ARPP19: variants seen among roughly 807,000 people sequenced by gnomAD.
ARPP19 encodes cAMP regulated phosphoprotein 19.
A neutral mutation model predicts 12.0 loss-of-function variants in ARPP19; 8 were observed. That is an observed-to-expected ratio of 0.67 (90% confidence interval 0.39 to 1.21). ARPP19 has a LOEUF of 1.21. Among genes scored for constraint, ARPP19 ranks in the 50% most tolerant of loss-of-function variants. The pLI is 0.01. For synonymous variants in ARPP19, 47 were observed against 50.4 expected, an observed-to-expected ratio of 0.93 and a Z score of 0.29; for missense variants, 102 against 136.3, an observed-to-expected ratio of 0.75 and a Z score of 1.25.
intron 1 of ARPP19, among the ~76,000 whole-genome samples, chr15:52,563,106 C>G (rs1264081417): frequency 1.3e-5 from 2 of 151,998 alleles, no homozygotes; most frequent in Non-Finnish European, 1.5e-5. Flanking sequence ...GAACTCCTGA[C>G]CTCGTGATCC....
intron 1 of ARPP19, among the ~76,000 whole-genome samples, chr15:52,567,085 G>T (rs2078090416): frequency 6.6e-6 from 1 of 152,138 alleles, no homozygotes; most frequent in African/African-American, 2.4e-5. Flanking sequence ...AGGTGATTTG[G>T]CCCACAGGAA....
intron 1 of ARPP19, among the ~76,000 whole-genome samples, chr15:52,559,315 C>T (rs1204714215): frequency 6.6e-6 from 1 of 152,134 alleles, no homozygotes; most frequent in Non-Finnish European, 1.5e-5. Flanking sequence ...GTGATGCAAA[C>T]CTGCCATTCC....
intron 1 of ARPP19, 120 bp from the exon 2 acceptor site, chr15:52,557,342 T>A: frequency 1.3e-6 from 1 of 780,508 alleles, no homozygotes; most frequent in Non-Finnish European, 2.0e-6. Flanking sequence ...AGCATCTGAC[T>A]AAGAAATCAA....
chr15:52,559,222 GAA>G (rs2076997254), intron 1 of ARPP19, among the ~76,000 whole-genome samples: 1 of 152,128 alleles, frequency 6.6e-6, no homozygotes, highest in Admixed American at 6.5e-5. Flanking sequence ...CACTTAGCCA[GAA>G]ATAGAGAATT....
chr15:52,568,689 C>G (rs1316573814), intron 1 of ARPP19, 159 bp downstream of exon 1: 1 of 503,428 alleles, frequency 2.0e-6, no homozygotes, highest in East Asian at 3.6e-5. Flanking sequence ...CGTCGGCGCA[C>G]CAGCCAGCGA....
rs147282979 is a variant in ARPP19 at position 52,551,493 on chromosome 15, C to G, written c.*441G>C. On this transcript the variant is annotated 3_prime_UTR_variant, in exon 3 of 3. Coordinates refer to ENST00000249822, the MANE Select transcript of ARPP19 (RefSeq NM_006628.6). Reference sequence around the variant, plus strand: ...GTTGTGTTTGAAATATGTGACCTTTCTTCTAACTTGTGGTCTTAAACTTCT... The same window carrying G: ...GTTGTGTTTGAAATATGTGACCTTTGTTCTAACTTGTGGTCTTAAACTTCT... 836 of 153,476 alleles carry G rather than the reference C, an allele frequency of 5.4e-3. 1 individual carries two copies. Among genetic ancestry groups the G allele is most frequent in the Admixed American group, 1.0e-2 (153 of 15,360 alleles). 9.5% of individuals were successfully genotyped at this position (153,476 alleles called of 1,614,324 possible).
chr15:52,554,508 A>G (rs934143690), intron 2 of ARPP19, among the ~76,000 whole-genome samples: 1 of 152,184 alleles, frequency 6.6e-6, no homozygotes, highest in African/African-American at 2.4e-5. Flanking sequence ...TGTCTTTAAC[A>G]ATCTCTAAAT....
At chr15:52,560,390 G>A (rs1407709823) in intron 1 of ARPP19, among the ~76,000 whole-genome samples, 4 of 152,132 alleles carry the variant, frequency 2.6e-5, no homozygotes, top group Admixed American at 6.5e-5. Flanking sequence ...CAGCATCTAT[G>A]AGCTGCAAAT....
chr15:52,568,910 C>A lies in ARPP19; in HGVS notation c.-18G>T, dbSNP rs1197839498. On this transcript the variant is annotated 5_prime_UTR_variant, in exon 1 of 3. Transcript: ENST00000249822. Reference sequence around the variant, plus strand: ...GCAGACATAGTGCTCCCTCTGCAGACGAGACGCCGGGAAAAGATGCAATTA... The same window carrying A: ...GCAGACATAGTGCTCCCTCTGCAGAAGAGACGCCGGGAAAAGATGCAATTA... 6.4e-7 allele frequency: 1 copy of A among 1,564,360 alleles called. No individual in the cohort carries two copies. The highest frequency in any genetic ancestry group is 1.4e-5 in the African/African-American group (1 of 70,124).
chr15:52,564,144 G>C, intron 1 of ARPP19: 1 of 1,393,622 alleles, frequency 7.2e-7, no homozygotes, highest in East Asian at 2.5e-5. Context: ...ATCGCAAACT[G>C]CTAAGACGGC....
Position 52,551,659 on chromosome 15 carries a change from G to C in ARPP19, c.*275C>G, listed in dbSNP as rs41435744. 0.1 allele frequency: 29,424 copies of C among 289,200 alleles called. 1,740 individuals are homozygous for C. The highest frequency in any genetic ancestry group is 0.15 in the Middle Eastern group (150 of 980). The allele number at this position is 289,200 out of a possible 1,614,324, so 17.9% of individuals were successfully genotyped here. On this transcript the variant is annotated 3_prime_UTR_variant, in exon 3 of 3. Transcript: ENST00000249822. ...AAATTTTAAAACTTGCTTGTTACTT[G>C]TTAGAACCAGTACTACACTAGAAGT...
In ARPP19 at chr15:52,550,065, C is replaced by A. The variant is rs1193019302; in HGVS notation, c.*1869G>T. 6.6e-6 allele frequency: 1 copy of A among 152,498 alleles called. No homozygotes were observed. The highest frequency in any genetic ancestry group is 1.5e-5 in the Non-Finnish European group (1 of 68,026). The allele number at this position is 152,498 out of a possible 1,614,324, so 9.4% of individuals were successfully genotyped here. ...TAGGAGAGCAGGTATACTGATGGAA[C>A]CAGGATTCAGAAAAGATGCCTGGAT... On this transcript the variant is annotated 3_prime_UTR_variant, in exon 3 of 3. Coordinates refer to ENST00000249822, the MANE Select transcript of ARPP19 (RefSeq NM_006628.6).
intron 1 of ARPP19, among the ~76,000 whole-genome samples, chr15:52,565,262 C>T (rs1454807000): frequency 2.0e-5 from 3 of 151,984 alleles, no homozygotes; most frequent in Non-Finnish European, 4.4e-5. Context: ...TGGCCTCAAG[C>T]GATCTTCCCA....
intron 1 of ARPP19, chr15:52,557,460 T>A: frequency 2.4e-6 from 1 of 418,048 alleles, no homozygotes; most frequent in Admixed American, 4.1e-5. Flanking sequence ...GATAAAAATA[T>A]CAAGATAGCT....
chr15:52,568,948 G>C lies in ARPP19; in HGVS notation c.-56C>G. ...AAAGATGCAATTAGCGGGTGGCCGA[G>C]GCCACCCGGCCGCCGCCCGTCCCAG... On this transcript the variant is annotated 5_prime_UTR_variant, in exon 1 of 3. Transcript: ENST00000249822. 2 of 1,065,190 alleles carry C rather than the reference G, an allele frequency of 1.9e-6. No homozygotes were observed. The highest frequency in any genetic ancestry group is 2.6e-6 in the Non-Finnish European group (2 of 759,442). The allele number at this position is 1,065,190 out of a possible 1,614,324, so 66.0% of individuals were successfully genotyped here.
chr15:52,561,730 A>T (rs1249723401), intron 1 of ARPP19, among the ~76,000 whole-genome samples: 1 of 151,594 alleles, frequency 6.6e-6, no homozygotes, highest in African/African-American at 2.4e-5. Context: ...AACCACAATA[A>T]CCATACTGAA....
chr15:52,553,822 A>G (rs2077957601), intron 2 of ARPP19, among the ~76,000 whole-genome samples: 1 of 152,244 alleles, frequency 6.6e-6, no homozygotes, highest in Non-Finnish European at 1.5e-5. Context: ...GGCCTGAGGA[A>G]AAAGTCTCAT....
chr15:52,548,324 T>C lies in ARPP19; in HGVS notation c.*3610A>G, dbSNP rs2077897580. On this transcript the variant is annotated 3_prime_UTR_variant, in exon 3 of 3. Transcript: ENST00000249822. ...CAACATGGTGAAACCCCATCTCTAC[T>C]AAAAGTACAAAAATTGGCTGGGCAT... is the stretch of plus-strand genomic sequence containing the variant. 6.6e-6 allele frequency: 1 copy of C among 152,080 alleles called. No homozygotes were observed. Among genetic ancestry groups the C allele is most frequent in the African/African-American group, 2.4e-5 (1 of 41,396 alleles). The allele number at this position is 152,080 out of a possible 1,614,324, so 9.4% of individuals were successfully genotyped here.
intron 1 of ARPP19, chr15:52,557,630 T>C (rs1366101137): frequency 6.5e-6 from 1 of 152,908 alleles, no homozygotes; most frequent in Admixed American, 6.5e-5. Context: ...TAAAATTATG[T>C]ATGATTTGAA....
Sources: gnomAD v4.1 joint callset for allele counts (sites outside exome capture counted in the v4.1 genomes callset) on GRCh38, gnomAD v4.1.1 for gene constraint, MANE v1.5 for transcripts, NCBI Gene and HGNC (gene_info 2026-07-23, HGNC 2026-07-21) for gene names.